Variants in ADCY9 observed in about 807,000 individuals in gnomAD.
The protein encoded by ADCY9 is adenylate cyclase type 9.
Under a neutral mutation model 101.5 loss-of-function variants are expected in ADCY9, and 50 were observed. The ratio of observed to expected loss-of-function variants is 0.49; its 90% CI spans 0.39 to 0.62. The LOEUF is 0.62. ADCY9 is among the 20% of genes least tolerant of loss of function. The pLI, the probability that ADCY9 is intolerant of heterozygous loss-of-function variation, is 0.00. For synonymous variants in ADCY9, 905 were observed against 769.3 expected (o/e 1.18, Z -2.92); for missense variants, 1,662 against 1,800.4 (o/e 0.92, Z 1.39).
intron 2 of ADCY9, among the ~76,000 whole-genome samples, chr16:4,058,467 GA>G (rs112044690): frequency 0.045 from 4,235 of 94,738 alleles, 149 homozygotes; most frequent in African/African-American, 0.13. Context: ...TTGTCTCCAA[GA>G]AAAAAAAAAA....
chr16:3,972,895 T>C (rs1187304474), intron 10 of ADCY9, among the ~76,000 whole-genome samples: 1 of 152,046 alleles, frequency 6.6e-6, no homozygotes. Flanking sequence ...CCTTTTATGA[T>C]CAGGTACTCT....
chr16:3,983,368 T>TCGA lies in ADCY9; in HGVS notation c.2380_2382dup (p.Ser794dup). On this transcript the variant is annotated inframe_insertion, in exon 7 of 11. Transcript: ENST00000294016. ...GTGGACAGCGTCAGAAACACTGTGG[T>TCGA]CGACAGAAACACATCCAGGAGGGAG... The TCGA allele has an allele frequency of 6.2e-7, 1 of 1,605,678 alleles. No homozygotes were observed. The highest frequency in any genetic ancestry group is 8.5e-7 in the Non-Finnish European group (1 of 1,175,848).
rs536080977 is a variant in ADCY9 at position 4,074,793 on chromosome 16, A to G, written c.1693+38957T>C. On this transcript the variant is annotated intron_variant, in intron 2 of 10. Transcript: ENST00000294016. ...GGTTAAAAAGTGATCGAGGGGAAAA[A>G]AAAGCAGTTCGGTATTTCTTTACAT... 1.4e-3 allele frequency among the ~76,000 whole-genome samples: 214 copies of G among 151,986 alleles called. 1 individual carries two copies. Among genetic ancestry groups the G allele is most frequent in the African/African-American group, 4.9e-3 (203 of 41,468 alleles).
intron 2 of ADCY9, among the ~76,000 whole-genome samples, chr16:4,049,200 C>T (rs762731057): frequency 3.3e-5 from 5 of 152,198 alleles, no homozygotes; most frequent in Non-Finnish European, 5.9e-5. Flanking sequence ...CTGCTCCAAA[C>T]GGCCACGCAC....
intron 2 of ADCY9, among the ~76,000 whole-genome samples, chr16:4,098,054 G>T (rs906413812): frequency 2.4e-4 from 36 of 151,770 alleles, no homozygotes; most frequent in Non-Finnish European, 4.4e-4. Context: ...AGAGTGGCTG[G>T]CCCATAGCTC....
intron 3 of ADCY9, among the ~76,000 whole-genome samples, chr16:4,005,646 A>G (rs1437680662): frequency 6.6e-6 from 1 of 152,204 alleles, no homozygotes; most frequent in Non-Finnish European, 1.5e-5. Context: ...AAACAAATAT[A>G]TATGACTAGA....
intron 8 of ADCY9, 38 bp downstream of exon 8, chr16:3,979,078 G>A (rs372211485): frequency 2.1e-5 from 34 of 1,611,778 alleles, no homozygotes; most frequent in African/African-American, 2.7e-5. Context: ...AGGGAGTCCA[G>A]GAGAGCGTGG....
chr16:4,019,141 T>C (rs1255060834), intron 2 of ADCY9, among the ~76,000 whole-genome samples: 1 of 151,994 alleles, frequency 6.6e-6, no homozygotes, highest in Non-Finnish European at 1.5e-5. Flanking sequence ...AAGCCCACCT[T>C]CTTTTAAAAA....
intron 2 of ADCY9, among the ~76,000 whole-genome samples, chr16:4,078,604 A>C: frequency 6.6e-6 from 1 of 152,084 alleles, no homozygotes; most frequent in Middle Eastern, 3.4e-3. Flanking sequence ...TATTAGAAGA[A>C]AATATAGGTT....
chr16:4,110,602 C>G (rs933638847), intron 2 of ADCY9, among the ~76,000 whole-genome samples: 1 of 152,142 alleles, frequency 6.6e-6, no homozygotes, highest in Non-Finnish European at 1.5e-5. Context: ...ATTGGCCACA[C>G]TGGTCTCCAA....
At chr16:3,961,851 C>A (rs1004792930), downstream of ADCY9, among the ~76,000 whole-genome samples, 1 of 151,846 alleles carries the variant, frequency 6.6e-6, no homozygotes, top group African/African-American at 2.4e-5. Context: ...CATGGTGAAA[C>A]CCTGTCTCTA....
intron 2 of ADCY9, among the ~76,000 whole-genome samples, chr16:4,091,531 C>T (rs77462291): frequency 6.6e-6 from 1 of 152,306 alleles, no homozygotes; most frequent in Non-Finnish European, 1.5e-5. Flanking sequence ...CAGCACCATC[C>T]ACAATAGCCA....
intron 2 of ADCY9, among the ~76,000 whole-genome samples, chr16:4,032,579 G>A (rs1339799124): frequency 2.1e-5 from 3 of 145,486 alleles, no homozygotes; most frequent in Non-Finnish European, 3.0e-5. Flanking sequence ...GTGAGATCTC[G>A]GCTCACTGCA....
At chr16:3,969,640 G>C (rs1234195520) in intron 10 of ADCY9, among the ~76,000 whole-genome samples, 1 of 107,490 alleles carries the variant, frequency 9.3e-6, no homozygotes, top group Non-Finnish European at 1.9e-5. Flanking sequence ...GAAGAGACAG[G>C]GTCTGTCTCT....
intron 2 of ADCY9, among the ~76,000 whole-genome samples, chr16:4,030,869 C>T (rs988618740): frequency 2.6e-5 from 4 of 152,162 alleles, no homozygotes; most frequent in African/African-American, 4.8e-5. Flanking sequence ...TCTGTTTCAT[C>T]TGGGTGCTGG....
chr16:3,985,145 T>A (rs1029163519), intron 6 of ADCY9, among the ~76,000 whole-genome samples: 1 of 144,698 alleles, frequency 6.9e-6, no homozygotes, highest in African/African-American at 2.6e-5. Flanking sequence ...TTTTCCTTTT[T>A]TTTTTTTTTT....
chr16:4,040,351 T>G (rs1174164060), intron 2 of ADCY9, among the ~76,000 whole-genome samples: 2 of 152,192 alleles, frequency 1.3e-5, no homozygotes, highest in Non-Finnish European at 1.5e-5. Context: ...CAAGAAAGCT[T>G]CTTTTAAGAC....
At chr16:4,105,880 A>G (rs575551934) in intron 2 of ADCY9, among the ~76,000 whole-genome samples, 2 of 152,100 alleles carry the variant, frequency 1.3e-5, no homozygotes, top group African/African-American at 4.8e-5. Flanking sequence ...AGAAACAACA[A>G]TTTCTACTGG....
chr16:3,973,310 C>A (rs1330538165), intron 10 of ADCY9, among the ~76,000 whole-genome samples: 4 of 152,220 alleles, frequency 2.6e-5, no homozygotes, highest in Non-Finnish European at 4.4e-5. Context: ...CAGGTTCAAG[C>A]AATTCTCCTG....
Sources: gnomAD v4.1 joint callset for allele counts (sites outside exome capture counted in the v4.1 genomes callset) on GRCh38, gnomAD v4.1.1 for gene constraint, MANE v1.5 for transcripts, NCBI Gene and HGNC (gene_info 2026-07-23, HGNC 2026-07-21) for gene names.